SLC41A3: variants seen among roughly 807,000 people sequenced by gnomAD.
SLC41A3 encodes solute carrier family 41 member 3, also known as SLC41A1-like 2.
SLC41A3 carries 44 observed loss-of-function variants against 45.4 expected under a neutral mutation model. The ratio of observed to expected loss-of-function variants is 0.97; its 90% CI spans 0.76 to 1.25. The LOEUF is 1.25. Ranked by LOEUF, SLC41A3 falls within the 50% of genes most tolerant of loss-of-function variation. The pLI is 0.00. For missense variants in SLC41A3, 550 were observed against 600.6 expected (o/e 0.92, Z 0.88); for synonymous variants, 256 against 252.4 (o/e 1.01, Z -0.13).
intron 4 of SLC41A3, 132 bp downstream of exon 4, chr3:126,033,475 G>A: frequency 1.1e-6 from 1 of 919,310 alleles, no homozygotes; most frequent in Non-Finnish European, 1.7e-6. Context: ...ATGTGGGAGG[G>A]ACAGGTAGCT....
intron 6 of SLC41A3, among the ~76,000 whole-genome samples, chr3:126,018,889 C>T (rs1470711465): frequency 6.6e-6 from 1 of 152,244 alleles, no homozygotes; most frequent in East Asian, 1.9e-4. Context: ...ACTCCTTGAA[C>T]TTGTGGAATA....
chr3:126,063,324 C>T (rs554572922), intron 2 of SLC41A3, among the ~76,000 whole-genome samples: 1 of 152,150 alleles, frequency 6.6e-6, no homozygotes, highest in African/African-American at 2.4e-5. Flanking sequence ...CTCTTGGCTA[C>T]CCAAGGCCCC....
chr3:126,056,744 T>G (rs1313891180), intron 2 of SLC41A3: 1 of 1,417,780 alleles, frequency 7.1e-7, no homozygotes, highest in Non-Finnish European at 9.2e-7. Flanking sequence ...CACAGATGAG[T>G]GAGGAACAAA....
At chr3:126,056,691 T>G in intron 2 of SLC41A3, 1 of 1,447,332 alleles carries the variant, frequency 6.9e-7, no homozygotes, top group South Asian at 1.5e-5. Flanking sequence ...AGGTGCCCTG[T>G]GCCTGCAGAG....
chr3:126,042,605 A>G (rs1487662620), intron 3 of SLC41A3, among the ~76,000 whole-genome samples: 1 of 152,218 alleles, frequency 6.6e-6, no homozygotes, highest in East Asian at 1.9e-4. Flanking sequence ...ACTTTAAAGC[A>G]ACTGTCTTAA....
rs200603609 is a variant in SLC41A3, at chr3:126,068,097, C to T, written c.123G>A (p.Arg41=). ...LPVASEDGAL[R]APESQSVTPK... ...GGGTCACGCTTTGGCTCTCAGGGGC[C>T]CTGAGAGCTCCATCTTCTGAGGCTA... The change falls in exon 2 of 11, where the codon AGG becomes AGA. Residue 41 remains arginine (R), a synonymous_variant. Coordinates refer to ENST00000360370, the MANE Select transcript of SLC41A3 (RefSeq NM_017836.4). The T allele has an allele frequency of 6.2e-7, 1 of 1,613,688 alleles. No individual in the cohort carries two copies.
intron 3 of SLC41A3, among the ~76,000 whole-genome samples, chr3:126,042,092 T>C (rs1333668985): frequency 1.3e-5 from 2 of 152,210 alleles, no homozygotes; most frequent in African/African-American, 2.4e-5. Context: ...CTGGTTTCTG[T>C]CTGTCTCTCA....
At chr3:126,078,027 G>A (rs1376414359) in intron 1 of SLC41A3, among the ~76,000 whole-genome samples, 7 of 152,134 alleles carry the variant, frequency 4.6e-5, no homozygotes, top group Non-Finnish European at 1.0e-4. Flanking sequence ...GATGGGAACT[G>A]CCTACTCCCA....
At chr3:126,075,045 G>C (rs1044724549) in intron 1 of SLC41A3, among the ~76,000 whole-genome samples, 1 of 151,106 alleles carries the variant, frequency 6.6e-6, no homozygotes, top group Non-Finnish European at 1.5e-5. Context: ...CCTGAGCTCA[G>C]GTGATCCTCC....
chr3:126,077,311 C>T (rs1441599450), intron 1 of SLC41A3, among the ~76,000 whole-genome samples: 3 of 151,990 alleles, frequency 2.0e-5, no homozygotes, highest in Non-Finnish European at 4.4e-5. Flanking sequence ...ACCTGGGAGG[C>T]GGAAGCTGCA....
chr3:126,079,246 ACG>A (rs1491214046), intron 1 of SLC41A3, among the ~76,000 whole-genome samples: 12 of 149,922 alleles, frequency 8.0e-5, no homozygotes, highest in African/African-American at 2.2e-4. Flanking sequence ...ACACCCACAC[ACG>A]ATCAGGGATT....
intron 4 of SLC41A3, among the ~76,000 whole-genome samples, chr3:126,031,272 A>T (rs1941777331): frequency 6.6e-6 from 1 of 152,236 alleles, no homozygotes; most frequent in African/African-American, 2.4e-5. Flanking sequence ...AAATAAAATA[A>T]TTTTTAGTCA....
intron 1 of SLC41A3, among the ~76,000 whole-genome samples, chr3:126,077,334 C>T (rs1026814569): frequency 6.6e-6 from 1 of 152,068 alleles, no homozygotes; most frequent in Non-Finnish European, 1.5e-5. Flanking sequence ...GAGCTGAAAT[C>T]GCACCACTGC....
At chr3:126,055,882 C>T (rs998471594) in intron 2 of SLC41A3, among the ~76,000 whole-genome samples, 12 of 152,126 alleles carry the variant, frequency 7.9e-5, no homozygotes, top group Admixed American at 3.3e-4. Flanking sequence ...CAGGATGCTG[C>T]GGGCTGGGCA....
chr3:126,087,888 A>G (rs1945424982), upstream of SLC41A3, among the ~76,000 whole-genome samples: 1 of 152,144 alleles, frequency 6.6e-6, no homozygotes. Context: ...TAAAAAATAC[A>G]CTAATACAAA....
intron 2 of SLC41A3, among the ~76,000 whole-genome samples, chr3:126,063,973 C>T (rs1293977482): frequency 6.7e-6 from 1 of 150,170 alleles, no homozygotes; most frequent in Non-Finnish European, 1.5e-5. Context: ...ACACACACTC[C>T]CCATACCCAG....
chr3:126,063,356 C>T (rs1409334131), intron 2 of SLC41A3, among the ~76,000 whole-genome samples: 3 of 152,090 alleles, frequency 2.0e-5, no homozygotes, highest in African/African-American at 4.8e-5. Flanking sequence ...TGGCCATTCA[C>T]GGTGGGAGCT....
chr3:126,053,685 T>C (rs774248648), intron 2 of SLC41A3, among the ~76,000 whole-genome samples: 11 of 152,100 alleles, frequency 7.2e-5, no homozygotes, highest in Non-Finnish European at 1.5e-4. Context: ...CAATAGCAAA[T>C]ACACTGACTG....
intron 1 of SLC41A3, among the ~76,000 whole-genome samples, chr3:126,075,551 G>GA (rs1403011011): frequency 1.3e-5 from 2 of 148,190 alleles, no homozygotes; most frequent in African/African-American, 5.0e-5. Flanking sequence ...AGAAAATCCT[G>GA]AAAAAAAAGA....
Sources: gnomAD v4.1 joint callset for allele counts (sites outside exome capture counted in the v4.1 genomes callset) on GRCh38, gnomAD v4.1.1 for gene constraint, MANE v1.5 for transcripts, NCBI Gene and HGNC (gene_info 2026-07-23, HGNC 2026-07-21) for gene names.